Variants in EIF2A observed in about 807,000 individuals in gnomAD.
The protein encoded by EIF2A is eukaryotic translation initiation factor 2A, also known as 65 kDa eukaryotic translation initiation factor 2A.
Under a neutral mutation model 75.2 loss-of-function variants are expected in EIF2A, and 62 were observed. That is an observed-to-expected ratio of 0.82 (90% confidence interval 0.67 to 1.02). EIF2A has a LOEUF of 1.02. Ranked by LOEUF, EIF2A falls within the 50% of genes least tolerant of loss-of-function variation. The probability of loss-of-function intolerance (pLI) is 0.00; values close to 1 mark genes in which losing one functional copy is unlikely to be tolerated. For synonymous variants in EIF2A, 207 were observed against 239.0 expected, an observed-to-expected ratio of 0.87 and a Z score of 1.23; for missense variants, 611 against 677.7, an observed-to-expected ratio of 0.90 and a Z score of 1.09.
In EIF2A at chr3:150,583,215, G is replaced by A. The variant is rs1406617969; in HGVS notation, c.1642G>A (p.Glu548Lys). 2.5e-6 allele frequency: 4 copies of A among 1,612,190 alleles called. No individual in the cohort carries two copies. Among genetic ancestry groups the A allele is most frequent in the African/African-American group, 2.7e-5 (2 of 74,864 alleles). Residue 548 changes from glutamate (E) to lysine (K), a missense_variant, in exon 13 of 14, where the codon GAA (glutamate) becomes AAA (lysine). Transcript: ENST00000460851. Reference sequence around the variant, plus strand: ...ATGTTTGCAGAAACTGAAAGCAATCGAACAACTGAAAGAACAAGCAGCAAC... The same window carrying A: ...ATGTTTGCAGAAACTGAAAGCAATCAAACAACTGAAAGAACAAGCAGCAAC... ...KNLKKKLKAIEQLKEQAATGK... is the reference protein window; with the variant it reads ...KNLKKKLKAIKQLKEQAATGK...
intron 2 of EIF2A, among the ~76,000 whole-genome samples, chr3:150,553,841 A>G (rs903098460): frequency 1.3e-5 from 2 of 152,244 alleles, no homozygotes; most frequent in Admixed American, 1.3e-4. Context: ...AGACTTGCCT[A>G]TATCAGTATG....
In EIF2A at chr3:150,567,719, C is replaced by T. The variant is rs1452840788; in HGVS notation, c.502C>T (p.Gln168Ter). ...FNTIANKLHL[Q>*]KINDFVLSPG... is the part of the protein sequence containing the mutation. The stretch of plus-strand genomic sequence containing the variant: ...CACAATTGCAAATAAATTGCATTTG[C>T]AAAAAATTAATGATTTTGTATTATC... Residue 168 changes from glutamine to a stop codon, truncating the protein, a stop_gained, in exon 7 of 14, where the codon CAA becomes TAA. Transcript: ENST00000460851. LOFTEE classifies it high-confidence loss of function. 2 of 1,549,744 alleles carry T rather than the reference C, an allele frequency of 1.3e-6. No homozygotes were observed. Among genetic ancestry groups the T allele is most frequent in the South Asian group, 1.2e-5 (1 of 83,148 alleles).
chr3:150,558,276 G>A, intron 2 of EIF2A, 112 bp from the exon 3 acceptor site: 1 of 940,032 alleles, frequency 1.1e-6, no homozygotes, highest in Non-Finnish European at 1.5e-6. Context: ...TCTGAAATTT[G>A]TGCAAGTTCT....
At chr3:150,555,998 T>G (rs1254955836) in intron 2 of EIF2A, among the ~76,000 whole-genome samples, 1 of 152,104 alleles carries the variant, frequency 6.6e-6, no homozygotes, top group East Asian at 1.9e-4. Flanking sequence ...GGGTAAGAAG[T>G]TTACTACAGC....
chr3:150,577,981 T>G (rs915710114), intron 11 of EIF2A, among the ~76,000 whole-genome samples: 2 of 152,174 alleles, frequency 1.3e-5, no homozygotes, highest in African/African-American at 2.4e-5. Flanking sequence ...AAATGATCTA[T>G]TCCATGCATT....
intron 6 of EIF2A, chr3:150,566,573 G>A (rs1366092729): frequency 6.6e-6 from 1 of 151,562 alleles, no homozygotes; most frequent in East Asian, 1.9e-4. Context: ...TATACGTATA[G>A]TTTTATTTAA....
Position 150,567,711 on chromosome 3 carries a change from T to C in EIF2A, c.494T>C (p.Leu165Ser). The C allele has an allele frequency of 6.5e-7, 1 of 1,547,764 alleles. No individual in the cohort carries two copies. Among genetic ancestry groups the C allele is most frequent in the Non-Finnish European group, 8.7e-7 (1 of 1,145,494 alleles). The stretch of plus-strand genomic sequence containing the variant: ...TTTTTAGACACAATTGCAAATAAAT[T>C]GCATTTGCAAAAAATTAATGATTTT... ...NNNFNTIANK[L>S]HLQKINDFVL... Residue 165 changes from leucine to serine, a missense_variant, in exon 7 of 14, where the codon TTG becomes TCG. By Grantham distance (145) the Leu-to-Ser change is moderately radical. Coordinates refer to ENST00000460851, the MANE Select transcript of EIF2A (RefSeq NM_032025.5).
chr3:150,561,300 G>A (rs999874086), intron 3 of EIF2A, among the ~76,000 whole-genome samples: 7 of 152,028 alleles, frequency 4.6e-5, no homozygotes, highest in African/African-American at 1.7e-4. Flanking sequence ...TTTGCGGGCC[G>A]GACACGGTGG....
chr3:150,568,049 A>G lies in EIF2A; in HGVS notation c.694+3A>G, dbSNP rs751147551. 10 of 1,606,476 alleles carry G rather than the reference A, an allele frequency of 6.2e-6. No homozygotes were observed. Among genetic ancestry groups the G allele is most frequent in the East Asian group, 2.2e-5 (1 of 44,810 alleles). ...TACAATGCTGTGGAATAAAAAAGGT[A>G]TGTTAAGTATATTTTATCCCTCCCT... On this transcript the variant is annotated splice_donor_region_variant and intron_variant, in intron 8 of 13. Coordinates refer to ENST00000460851, the MANE Select transcript of EIF2A (RefSeq NM_032025.5).
intron 1 of EIF2A, among the ~76,000 whole-genome samples, chr3:150,550,869 G>C (rs1723280767): frequency 6.6e-6 from 1 of 152,122 alleles, no homozygotes; most frequent in Non-Finnish European, 1.5e-5. Flanking sequence ...TGTTGCCCAG[G>C]CTGGTCTTGA....
chr3:150,573,260 AG>A (rs1724650084), intron 10 of EIF2A, among the ~76,000 whole-genome samples: 1 of 152,060 alleles, frequency 6.6e-6, no homozygotes, highest in Non-Finnish European at 1.5e-5. Flanking sequence ...ACTTAAAATC[AG>A]GATTTTTTTG....
Position 150,567,690 on chromosome 3 carries a change from T to G in EIF2A, c.476-3T>G. The G allele has an allele frequency of 6.6e-7, 1 of 1,525,240 alleles. No individual in the cohort carries two copies. Among genetic ancestry groups the G allele is most frequent in the East Asian group, 2.5e-5 (1 of 40,780 alleles). 94.5% of individuals were successfully genotyped at this position (1,525,240 alleles called of 1,614,324 possible). A position where few individuals can be genotyped will look rare whatever the true frequency, so the allele number is the denominator to read the frequency against. On this transcript the variant is annotated splice_region_variant and splice_polypyrimidine_tract_variant and intron_variant, in intron 6 of 13. Coordinates refer to ENST00000460851, the MANE Select transcript of EIF2A (RefSeq NM_032025.5). ...ATCTGATTTAATTTACTCTTTTTTT[T>G]AGACACAATTGCAAATAAATTGCAT...
chr3:150,553,858 T>C (rs1032935313), intron 2 of EIF2A, among the ~76,000 whole-genome samples: 1 of 152,244 alleles, frequency 6.6e-6, no homozygotes, highest in Non-Finnish European at 1.5e-5. Context: ...TATGAACTCA[T>C]GATTTCCTTT....
chr3:150,546,819 C>T lies in EIF2A; in HGVS notation c.17C>T (p.Pro6Leu), dbSNP rs1177414385. The T allele has an allele frequency of 5.6e-6, 9 of 1,612,390 alleles. No homozygotes were observed. Among genetic ancestry groups the T allele is most frequent in the Non-Finnish European group, 7.6e-6 (9 of 1,179,898 alleles). Residue 6 changes from proline (P) to leucine (L), a missense_variant, in exon 1 of 14, where the codon CCG becomes CTG. Pro to Leu is a moderately conservative substitution (Grantham distance 98). Coordinates refer to ENST00000460851, the MANE Select transcript of EIF2A (RefSeq NM_032025.5). MAPST[P>L]LLTVRGSEGL... ...CGGGACAACATGGCGCCGTCCACGC[C>T]GCTCTTGACAGGTGAGTTCTGAAGA...
intron 11 of EIF2A, among the ~76,000 whole-genome samples, chr3:150,577,382 T>C (rs376719478): frequency 3.9e-5 from 6 of 152,120 alleles, no homozygotes; most frequent in African/African-American, 1.2e-4. Flanking sequence ...TCTCACTCTG[T>C]TATCTAGGCT....
At chr3:150,552,315 T>A in intron 1 of EIF2A, 41 bp from the exon 2 acceptor site, 19 of 1,514,240 alleles carry the variant, frequency 1.3e-5, no homozygotes, top group Non-Finnish European at 1.7e-5. Flanking sequence ...TGAGTCTTTA[T>A]TAACAAAGTA....
At chr3:150,566,759 A>G (rs1724205333) in intron 6 of EIF2A, 2 of 146,366 alleles carry the variant, frequency 1.4e-5, no homozygotes, top group African/African-American at 5.0e-5. Context: ...CAATCTTAAT[A>G]CCAAAAAGTA....
At chr3:150,580,955 T>C (rs1341194463) in intron 11 of EIF2A, among the ~76,000 whole-genome samples, 2 of 152,232 alleles carry the variant, frequency 1.3e-5, no homozygotes, top group African/African-American at 4.8e-5. Context: ...GGATTTTCCA[T>C]GTAATATTTT....
chr3:150,548,630 A>G (rs1450498728), intron 1 of EIF2A, among the ~76,000 whole-genome samples: 3 of 152,216 alleles, frequency 2.0e-5, no homozygotes, highest in Non-Finnish European at 4.4e-5. Flanking sequence ...CGCAAACCCT[A>G]TTTTGAACTG....
Sources: gnomAD v4.1 joint callset for allele counts (sites outside exome capture counted in the v4.1 genomes callset) on GRCh38, gnomAD v4.1.1 for gene constraint, MANE v1.5 for transcripts, NCBI Gene and HGNC (gene_info 2026-07-23, HGNC 2026-07-21) for gene names.